The following ITPR1 variants were observed in gnomAD, a reference collection of about 807,000 sequenced individuals.
ITPR1 encodes inositol 1,4,5-trisphosphate receptor type 1.
Under a neutral mutation model 318.4 loss-of-function variants are expected in ITPR1, and 96 were observed. The observed-to-expected ratio is 0.30, with a 90% CI of 0.26 to 0.36. The LOEUF (loss-of-function observed/expected upper bound fraction) is 0.36. ITPR1 is among the 10% of genes least tolerant of loss of function. The pLI, the probability that ITPR1 is intolerant of heterozygous loss-of-function variation, is 1.00. For missense variants in ITPR1, 2,440 were observed against 3,460.2 expected (o/e 0.71, Z 7.40); for synonymous variants, 1,312 against 1,289.9 (o/e 1.02, Z -0.37).
intron 39 of ITPR1, among the ~76,000 whole-genome samples, chr3:4,714,951 TTCCTAGA>T (rs2041656234): frequency 6.6e-6 from 1 of 152,198 alleles, no homozygotes; most frequent in Admixed American, 6.5e-5. Context: ...ATTCACTAGT[TTCCTAGA>T]TTATAAGTTA....
chr3:4,549,219 A>C (rs1425657560), intron 4 of ITPR1, among the ~76,000 whole-genome samples: 3 of 152,376 alleles, frequency 2.0e-5, no homozygotes, highest in South Asian at 2.1e-4. Context: ...CTTTTTAAAA[A>C]TAGACAAATG....
intron 10 of ITPR1, among the ~76,000 whole-genome samples, chr3:4,647,564 T>A (rs572822720): frequency 3.9e-4 from 59 of 152,322 alleles, no homozygotes; most frequent in African/African-American, 1.3e-3. Flanking sequence ...CCACAAGTAA[T>A]GTGTGAGAGT....
At chr3:4,720,253 T>C (rs2042053902) in intron 40 of ITPR1, among the ~76,000 whole-genome samples, 1 of 152,178 alleles carries the variant, frequency 6.6e-6, no homozygotes, top group South Asian at 2.1e-4. Flanking sequence ...TACAGATTCA[T>C]GCAAGATGAC....
At chr3:4,753,168 G>A (rs551096309) in intron 44 of ITPR1, among the ~76,000 whole-genome samples, 3 of 152,328 alleles carry the variant, frequency 2.0e-5, no homozygotes, top group East Asian at 1.9e-4. Context: ...GGAAGCTAAC[G>A]CGGTCTACCC....
At chr3:4,657,486 G>C in intron 12 of ITPR1, among the ~76,000 whole-genome samples, 1 of 64,650 alleles carries the variant, frequency 1.5e-5, no homozygotes, top group Non-Finnish European at 3.0e-5. Context: ...TTTTTTTTTT[G>C]AGACAGAGTC....
chr3:4,765,190 G>A (rs554868210), intron 44 of ITPR1, among the ~76,000 whole-genome samples: 20 of 152,304 alleles, frequency 1.3e-4, no homozygotes, highest in Admixed American at 1.1e-3. Context: ...GCTAAGCATA[G>A]GGGAGGTGGT....
chr3:4,798,766 T>C lies in ITPR1; in HGVS notation c.6932-1659T>C, dbSNP rs542392859. Among the ~76,000 whole-genome samples the C allele has an allele frequency of 1.3e-3, 203 of 152,362 alleles. 1 individual carries two copies. Among genetic ancestry groups the C allele is most frequent in the Non-Finnish European group, 1.6e-3 (107 of 68,038 alleles). On this transcript the variant is annotated intron_variant, in intron 53 of 61. Coordinates refer to ENST00000649015, the MANE Select transcript of ITPR1 (RefSeq NM_001378452.1). ...AGTCAGCAATAAAAAGTACAAAGTA[T>C]CAATACATACATGGTAACCTGGATG...
chr3:4,592,256 G>C (rs2090449849), intron 4 of ITPR1, among the ~76,000 whole-genome samples: 1 of 152,188 alleles, frequency 6.6e-6, no homozygotes. Flanking sequence ...CATACAAACT[G>C]ACTGTCTTGT....
intron 2 of ITPR1, among the ~76,000 whole-genome samples, chr3:4,505,359 A>T (rs182038936): frequency 6.6e-6 from 1 of 152,206 alleles, no homozygotes; most frequent in East Asian, 1.9e-4. Flanking sequence ...CGCCTGGCTA[A>T]TTTTTGTATT....
At chr3:4,500,803 G>A (rs2080962241) in intron 2 of ITPR1, among the ~76,000 whole-genome samples, 1 of 152,090 alleles carries the variant, frequency 6.6e-6, no homozygotes, top group Non-Finnish European at 1.5e-5. Context: ...TTCAAACTCT[G>A]TGGAAACCCA....
chr3:4,653,689 A>G (rs2093644998), intron 11 of ITPR1, among the ~76,000 whole-genome samples, 153 bp from the exon 12 acceptor site: 1 of 152,136 alleles, frequency 6.6e-6, no homozygotes, highest in African/African-American at 2.4e-5. Flanking sequence ...GACCTGTATC[A>G]TTGTCGTGGC....
At chr3:4,644,806 C>T (rs569484917) in intron 8 of ITPR1, among the ~76,000 whole-genome samples, 27 of 152,260 alleles carry the variant, frequency 1.8e-4, no homozygotes, top group South Asian at 1.7e-3. Flanking sequence ...AGCTCTGTGA[C>T]GGCAGGTTGG....
chr3:4,556,660 G>A (rs925764890), intron 4 of ITPR1, among the ~76,000 whole-genome samples: 9 of 152,004 alleles, frequency 5.9e-5, no homozygotes, highest in African/African-American at 1.7e-4. Flanking sequence ...TCTTTTCAGC[G>A]CTGAGTAATA....
intron 40 of ITPR1, 59 bp from the exon 41 acceptor site, chr3:4,725,487 T>C: frequency 7.0e-7 from 1 of 1,424,792 alleles, no homozygotes; most frequent in Non-Finnish European, 9.8e-7. Flanking sequence ...TCTGGACTTC[T>C]CTGTGGCCCA....
chr3:4,838,090 A>T (rs1437400431), intron 61 of ITPR1, among the ~76,000 whole-genome samples: 1 of 152,102 alleles, frequency 6.6e-6, no homozygotes, highest in Non-Finnish European at 1.5e-5. Context: ...TCATACTTAG[A>T]TTTATATTAA....
intron 57 of ITPR1, among the ~76,000 whole-genome samples, chr3:4,813,966 A>G (rs1197013503): frequency 2.0e-5 from 3 of 152,226 alleles, no homozygotes; most frequent in African/African-American, 4.8e-5. Flanking sequence ...ACAGCCTCCA[A>G]TGTAAAGCAG....
At chr3:4,759,236 T>G (rs999311342) in intron 44 of ITPR1, among the ~76,000 whole-genome samples, 1 of 152,198 alleles carries the variant, frequency 6.6e-6, no homozygotes, top group South Asian at 2.1e-4. Flanking sequence ...CTTGCAGGGC[T>G]GGGGGAGGAT....
intron 53 of ITPR1, among the ~76,000 whole-genome samples, chr3:4,799,201 C>T (rs1309745001): frequency 2.6e-5 from 4 of 152,100 alleles, no homozygotes; most frequent in African/African-American, 7.2e-5. Context: ...TAGAGTAGAC[C>T]GGGGACAGTA....
At chr3:4,838,370 T>G (rs888565541) in intron 61 of ITPR1, among the ~76,000 whole-genome samples, 9 of 142,902 alleles carry the variant, frequency 6.3e-5, no homozygotes, top group African/African-American at 2.0e-4. Context: ...TTGGCAGATG[T>G]TCTGCAGGAC....
Sources: gnomAD v4.1 joint callset for allele counts (sites outside exome capture counted in the v4.1 genomes callset) on GRCh38, gnomAD v4.1.1 for gene constraint, MANE v1.5 for transcripts, NCBI Gene and HGNC (gene_info 2026-07-23, HGNC 2026-07-21) for gene names.